Variants in MON1A observed in about 807,000 individuals in gnomAD.
The protein encoded by MON1A is vacuolar fusion protein MON1 homolog A.
MON1A carries 29 observed loss-of-function variants against 44.6 expected under a neutral mutation model. The ratio of observed to expected loss-of-function variants is 0.65; its 90% CI spans 0.48 to 0.89. The LOEUF (loss-of-function observed/expected upper bound fraction) is 0.89, where lower values mean the gene tolerates loss of function less well. MON1A is among the 40% of genes least tolerant of loss of function. MON1A has a pLI of 0.00. For missense variants in MON1A, 615 were observed against 759.6 expected, an observed-to-expected ratio of 0.81 and a Z score of 2.24; for synonymous variants, 275 against 316.4, an observed-to-expected ratio of 0.87 and a Z score of 1.39.
At chr3:49,912,154 G>A in intron 2 of MON1A, 143 bp from the exon 3 acceptor site, 1 of 1,041,192 alleles carries the variant, frequency 9.6e-7, no homozygotes, top group Non-Finnish European at 1.3e-6. Flanking sequence ...TGTCTGCCAT[G>A]GATGATGCTT....
rs1183192888 is a variant in MON1A, at chr3:49,911,972, G to C, written c.167C>G (p.Ser56Cys). The C allele has an allele frequency of 2.5e-6, 4 of 1,608,260 alleles. No individual in the cohort carries two copies. In the African/African-American group the frequency reaches 4.0e-5, roughly 16 times the overall value. ...CTCTGACTCAGTCAGGTCCTCGTAG[G>C]AACGGGCATGGACGAACATGGCACC... ...QEGAMFVHARSYEDLTESEDG... is the reference protein window; with the variant it reads ...QEGAMFVHARCYEDLTESEDG... Residue 56 changes from serine (S) to cysteine (C), a missense_variant, in exon 3 of 6, where the codon TCC (serine) becomes TGC (cysteine). Transcript: ENST00000296473. This position sits in a 1 kb window ranked among gnomAD's most constrained non-coding sequence, Gnocchi z 5.7.
At position 49,910,662 on chromosome 3, in the gene MON1A, A is replaced by G. The variant is rs2082867057; in HGVS notation, c.836T>C (p.Leu279Pro). Residue 279 changes from leucine to proline, a missense_variant, in exon 4 of 6, where the codon CTG becomes CCG. Coordinates refer to ENST00000296473, the MANE Select transcript of MON1A (RefSeq NM_032355.4). The surrounding 1 kb of genome is among the most constrained non-coding windows in gnomAD (Gnocchi z 8.0). ...SGSERITDNL[L>P]QLMARDPSFL... ...GCTGGGGTCTCGTGCCATGAGCTGC[A>G]GCAGGTTGTCGGTGATGCGCTCTGA... 1 of 1,607,570 alleles carries G rather than the reference A, an allele frequency of 6.2e-7. No individual in the cohort carries two copies. The highest frequency in any genetic ancestry group is 8.5e-7 in the Non-Finnish European group (1 of 1,176,138).
rs2082844875 is a variant in MON1A, at chr3:49,909,147, C to T, written c.1535G>A (p.Gly512Asp). The change falls in exon 6 of 6, where the codon GGC becomes GAC. Residue 512 changes from glycine (G) to aspartate (D), a missense_variant. Physicochemically the swap from Gly to Asp is moderately conservative, Grantham distance 94. Transcript: ENST00000296473. This position sits in a 1 kb window ranked among gnomAD's most constrained non-coding sequence, Gnocchi z 4.0. ...GTAACACATGTAGAGCTCAAAGGCG[C>T]CTGTCACCTGGAGAAGGGGCAAAGG... ...PNENLLAWVT[G>D]AFELYMCYSP... The T allele has an allele frequency of 6.2e-7, 1 of 1,609,796 alleles. No homozygotes were observed. Among genetic ancestry groups the T allele is most frequent in the South Asian group, 1.1e-5 (1 of 90,914 alleles).
rs557872473 is a variant in MON1A at position 49,912,383 on chromosome 3, G to A, written c.128-372C>T. On this transcript the variant is annotated intron_variant, in intron 2 of 5. Coordinates refer to ENST00000296473, the MANE Select transcript of MON1A (RefSeq NM_032355.4). ...AGGAGCTCCACACCTGCTGTCAGCT[G>A]TCTCCTACCTCCCCAAGAGGCCGGC... 28 of 196,050 alleles carry A rather than the reference G, an allele frequency of 1.4e-4. No homozygotes were observed. In the South Asian group the frequency reaches 3.4e-3, roughly 24 times the overall value. The allele number at this position is 196,050 out of a possible 1,614,324, so 12.1% of individuals were successfully genotyped here.
Position 49,910,609 on chromosome 3 carries a change from G to A in MON1A, c.889C>T (p.Pro297Ser). 2 of 1,603,614 alleles carry A rather than the reference G, an allele frequency of 1.2e-6. No homozygotes were observed. Among genetic ancestry groups the A allele is most frequent in the East Asian group, 2.3e-5 (1 of 44,366 alleles). ...GTGTCGCGCACGGCCGCCGCCAGGG[G>A]CAGGCACCGTGCCGCCCCCATCAGG... The part of the protein sequence containing the change: ...SFLMGAARCL[P>S]LAAAVRDTVS... Residue 297 changes from proline to serine, a missense_variant, in exon 4 of 6, where the codon CCC becomes TCC. Pro to Ser is a moderately conservative substitution (Grantham distance 74). Transcript: ENST00000296473. This position sits in a 1 kb window ranked among gnomAD's most constrained non-coding sequence, Gnocchi z 8.0.
chr3:49,909,050 T>C lies in MON1A; in HGVS notation c.1632A>G (p.Glu544=), dbSNP rs763809214. 2 of 1,613,834 alleles carry C rather than the reference T, an allele frequency of 1.2e-6. No individual in the cohort carries two copies. The highest frequency in any genetic ancestry group is 1.1e-5 in the South Asian group (1 of 91,034). ...GGGGCGTGAGAATGAAGAGGCGGTC[T>C]TCCTCTTTGCGGATCCAGCGCATCA... is the stretch of plus-strand genomic sequence containing the variant. ...HKLMRWIRKE[E]DRLFILTPLT... is the part of the protein sequence containing the mutation. The change falls in exon 6 of 6, where the codon GAA becomes GAG. Residue 544 remains glutamate (E), a synonymous_variant. Coordinates refer to ENST00000296473, the MANE Select transcript of MON1A (RefSeq NM_032355.4). The surrounding 1 kb of genome is among the most constrained non-coding windows in gnomAD (Gnocchi z 4.0).
rs956175509 is a variant in MON1A, at chr3:49,921,629, G to A, written c.-14+7980C>T. Among the ~76,000 whole-genome samples, 8 of 139,652 alleles carry A rather than the reference G, an allele frequency of 5.7e-5. No individual in the cohort carries two copies. In the East Asian group the frequency reaches 1.4e-3, roughly 25 times the overall value. The allele number at this position is 139,652 out of a possible 152,430, so 91.6% of individuals were successfully genotyped here. On this transcript the variant is annotated intron_variant, in intron 1 of 5. Transcript: ENST00000296473. Reference sequence around the variant, plus strand: ...CAAAAATACAAAAAATTAGCCGGGCGTGGTAGCACTTTTTTTTTTTTTTTT... The same window carrying A: ...CAAAAATACAAAAAATTAGCCGGGCATGGTAGCACTTTTTTTTTTTTTTTT...
Position 49,910,847 on chromosome 3 carries a change from C to T in MON1A, c.651G>A (p.Leu217=). The T allele has an allele frequency of 6.2e-7, 1 of 1,612,166 alleles. No individual in the cohort carries two copies. Among genetic ancestry groups the T allele is most frequent in the South Asian group, 1.1e-5 (1 of 91,042 alleles). ...YKVVFVRRSP[L]VLVAVARTRQ... The stretch of plus-strand genomic sequence containing the variant: ...GCGTACGAGCCACCGCCACTAGCAC[C>T]AGCGGGCTCCGGCGCACGAATACTA... The change falls in exon 4 of 6, where the codon CTG becomes CTA. Residue 217 remains leucine (L), a synonymous_variant. Transcript: ENST00000296473. This position sits in a 1 kb window ranked among gnomAD's most constrained non-coding sequence, Gnocchi z 8.0.
At position 49,929,693 on chromosome 3, in the gene MON1A, C is replaced by T. The variant is rs1386133730; in HGVS notation, c.-98G>A. On this transcript the variant is annotated 5_prime_UTR_variant, in exon 1 of 6. Transcript: ENST00000296473. ...CCATGGAGGGGTAAGGGTGTCCGGC[C>T]GGGGCCGGCCTGAGGGCACAGCTTC... 6.4e-7 allele frequency: 1 copy of T among 1,550,794 alleles called. No homozygotes were observed.
intron 1 of MON1A, among the ~76,000 whole-genome samples, chr3:49,926,658 C>T (rs2083053953): frequency 1.3e-5 from 2 of 152,098 alleles, no homozygotes; most frequent in Non-Finnish European, 1.5e-5. Context: ...GATGGGGTCT[C>T]AGTATGTTGT....
intron 1 of MON1A, among the ~76,000 whole-genome samples, chr3:49,922,899 CAG>C (rs909742400): frequency 1.3e-5 from 2 of 151,564 alleles, no homozygotes; most frequent in Admixed American, 6.6e-5. Context: ...TTAGTAGAGA[CAG>C]GGTTTCACCA....
At chr3:49,913,155 A>T in intron 2 of MON1A, 65 bp downstream of exon 2, 1 of 1,608,704 alleles carries the variant, frequency 6.2e-7, no homozygotes, top group Non-Finnish European at 8.5e-7. Flanking sequence ...AGTGGTTGGG[A>T]ATCCTAATTC....
At position 49,908,993 on chromosome 3, in the gene MON1A, C is replaced by T. The variant is rs1240497204; in HGVS notation, c.*21G>A. ...CCCACACCTAGTGTGTCCAGGAAGG[C>T]TGAGCCCGCACACATTCCCATCAAT... On this transcript the variant is annotated 3_prime_UTR_variant, in exon 6 of 6. Transcript: ENST00000296473. The T allele has an allele frequency of 2.5e-6, 4 of 1,598,770 alleles. No homozygotes were observed. The highest frequency in any genetic ancestry group is 3.4e-6 in the Non-Finnish European group (4 of 1,170,908).
At chr3:49,920,480 A>G (rs2082986519) in intron 1 of MON1A, 1 of 152,154 alleles carries the variant, frequency 6.6e-6, no homozygotes, top group Non-Finnish European at 1.5e-5. Flanking sequence ...TTAAAGAGGC[A>G]CACACATTTA....
rs2083077003 is a variant in MON1A at position 49,929,557 on chromosome 3, G to C, written c.-14+52C>G. ...CAAGCCCCTCCCTCCAAAGATGACA[G>C]CTCTCCAGTCTCTAGGTGCCTCCAG... is the stretch of plus-strand genomic sequence containing the variant. On this transcript the variant is annotated intron_variant, in intron 1 of 5. Transcript: ENST00000296473. 9.7e-6 allele frequency: 15 copies of C among 1,544,958 alleles called. No homozygotes were observed. The South Asian group carries it at 1.3e-4, about 14-fold the overall frequency.
chr3:49,914,842 G>A (rs1425673055), intron 1 of MON1A, among the ~76,000 whole-genome samples: 1 of 151,934 alleles, frequency 6.6e-6, no homozygotes, highest in African/African-American at 2.4e-5. Flanking sequence ...CACTGCGCCC[G>A]CCTAATTTTT....
Position 49,910,442 on chromosome 3 carries a change from AATGAGGTT to A in MON1A, c.1048_1055del (p.Asn350Ter). On this transcript the variant is annotated frameshift_variant, in exon 4 of 6. Coordinates refer to ENST00000296473, the MANE Select transcript of MON1A (RefSeq NM_032355.4). LOFTEE classifies it high-confidence loss of function. This position sits in a 1 kb window ranked among gnomAD's most constrained non-coding sequence, Gnocchi z 8.0. ...CCTCGCGAAAGGACGAGGAGGAACT[AATGAGGTT>A]GAAGAGCAGGTGCAGGTCGATGGGG... is the stretch of plus-strand genomic sequence containing the variant. The A allele has an allele frequency of 1.2e-6, 2 of 1,614,204 alleles. No homozygotes were observed. The highest frequency in any genetic ancestry group is 1.7e-6 in the Non-Finnish European group (2 of 1,180,036).
intron 1 of MON1A, among the ~76,000 whole-genome samples, chr3:49,928,581 A>G (rs1457896568): frequency 6.6e-6 from 1 of 151,992 alleles, no homozygotes; most frequent in Non-Finnish European, 1.5e-5. Context: ...TGGAGCAGAG[A>G]AGGCCTTCAG....
At chr3:49,925,312 C>T (rs1372405825) in intron 1 of MON1A, among the ~76,000 whole-genome samples, 3 of 151,972 alleles carry the variant, frequency 2.0e-5, no homozygotes, top group African/African-American at 7.3e-5. Flanking sequence ...ACAGGGTCTC[C>T]TTATGTTGCC....
Sources: allele counts gnomAD v4.1 joint callset (sites outside exome capture counted in the v4.1 genomes callset), GRCh38; gene constraint gnomAD v4.1.1; non-coding constraint Gnocchi (gnomAD v3.1); transcripts MANE v1.5; gene names NCBI Gene and HGNC (gene_info 2026-07-23, HGNC 2026-07-21).